Variants in NEBL observed in about 807,000 individuals in gnomAD.
The protein encoded by NEBL is LIM and SH3 protein 2.
Under a neutral mutation model 140.2 loss-of-function variants are expected in NEBL, and 122 were observed. The ratio of observed to expected loss-of-function variants is 0.87; its 90% CI spans 0.75 to 1.01. The LOEUF is 1.01. NEBL is among the 50% of genes least tolerant of loss of function. The pLI is 0.00. For missense variants in NEBL, 1,365 were observed against 1,231.3 expected, an observed-to-expected ratio of 1.11 and a Z score of -1.62; for synonymous variants, 436 against 398.9, an observed-to-expected ratio of 1.09 and a Z score of -1.11.
At chr10:20,796,857 T>G (rs1168114656) in intron 26 of NEBL, among the ~76,000 whole-genome samples, 1 of 152,208 alleles carries the variant, frequency 6.6e-6, no homozygotes, top group African/African-American at 2.4e-5. Context: ...GAGTCTTTAA[T>G]AATTATTCTC....
At chr10:20,797,517 T>C (rs1473442006) in intron 26 of NEBL, among the ~76,000 whole-genome samples, 1 of 152,122 alleles carries the variant, frequency 6.6e-6, no homozygotes, top group Admixed American at 6.6e-5. Flanking sequence ...TTCCAACAAA[T>C]AGACATATAT....
chr10:20,982,523 T>A (rs1288768493), intron 3 of NEBL, among the ~76,000 whole-genome samples: 1 of 152,180 alleles, frequency 6.6e-6, no homozygotes, highest in Non-Finnish European at 1.5e-5. Context: ...TTCCACAAAA[T>A]GACTGAAAAC....
chr10:20,971,447 C>CT lies in NEBL; in HGVS notation c.250-9669dup, dbSNP rs540090232. ...CACACACAGAATAGAATTTTTTTTT[C>CT]TTTTTTTTTTTATTATACTTTAAGT... On this transcript the variant is annotated intron_variant, in intron 3 of 6. Transcript: ENST00000417816. Among the ~76,000 whole-genome samples the CT allele has an allele frequency of 3.7e-3, 527 of 141,924 alleles. 4 individuals are homozygous for CT. Among genetic ancestry groups the CT allele is most frequent in the African/African-American group, 7.9e-3 (308 of 38,828 alleles). The allele number at this position is 141,924 out of a possible 152,430, so 93.1% of individuals were successfully genotyped here.
chr10:21,211,054 G>T (rs1393145455), intron 3 of NEBL, among the ~76,000 whole-genome samples: 3 of 152,090 alleles, frequency 2.0e-5, no homozygotes, highest in African/African-American at 7.2e-5. Flanking sequence ...CTTTGACATG[G>T]GCAACATGTC....
intron 3 of NEBL, among the ~76,000 whole-genome samples, chr10:21,000,586 C>T (rs552697551): frequency 1.3e-5 from 2 of 152,158 alleles, no homozygotes; most frequent in East Asian, 3.9e-4. Flanking sequence ...AGGAGCAAAA[C>T]ATTTGTAGAA....
At chr10:21,105,106 G>A (rs754038829) in intron 2 of NEBL, among the ~76,000 whole-genome samples, 31 of 152,084 alleles carry the variant, frequency 2.0e-4, no homozygotes, top group Non-Finnish European at 3.7e-4. Context: ...TTTACATATT[G>A]TTGAATTTTA....
chr10:20,977,133 C>T (rs1370531898), intron 3 of NEBL, among the ~76,000 whole-genome samples: 7 of 152,204 alleles, frequency 4.6e-5, no homozygotes, highest in Non-Finnish European at 1.0e-4. Context: ...GTCAAATCTC[C>T]CTAAATGCCA....
intron 11 of NEBL, 121 bp downstream of exon 11, chr10:20,850,274 G>A (rs556894838): frequency 1.0e-5 from 8 of 795,802 alleles, no homozygotes; most frequent in South Asian, 8.7e-5. Context: ...CTAGAAAGCA[G>A]GTCCTTGAAT....
At chr10:21,229,159 A>T (rs12244732) in intron 3 of NEBL, among the ~76,000 whole-genome samples, 1,851 of 152,272 alleles carry the variant, frequency 0.012, 34 homozygotes, top group African/African-American at 0.04. Context: ...AATGGCTAAC[A>T]CCTGTAATCC....
At chr10:21,091,265 T>G (rs1836899413) in intron 2 of NEBL, among the ~76,000 whole-genome samples, 1 of 152,202 alleles carries the variant, frequency 6.6e-6, no homozygotes, top group Non-Finnish European at 1.5e-5. Context: ...AGGTTGCCCC[T>G]TATGAAACAT....
chr10:21,266,113 AT>A (rs199666545), intron 1 of NEBL, among the ~76,000 whole-genome samples: 108 of 149,528 alleles, frequency 7.2e-4, no homozygotes, highest in Non-Finnish European at 8.0e-4. Context: ...AGGTATGCTG[AT>A]TTTTTTTTTC....
chr10:20,883,371 T>C (rs966692078), intron 4 of NEBL, among the ~76,000 whole-genome samples: 1 of 152,222 alleles, frequency 6.6e-6, no homozygotes, highest in African/African-American at 2.4e-5. Context: ...TGTTAGAGTC[T>C]GTCCACCAAC....
Position 20,852,649 on chromosome 10 carries a change from G to A in NEBL, c.904C>T (p.Arg302Ter), listed in dbSNP as rs149737043. ...TCCTCAAAGAGCTTTTTATATTCTC[G>A]CTAAAATACAGAATGGGGAAATCAA... is the stretch of plus-strand genomic sequence containing the variant. ...VLKASKMLSG[R>*]EYKKLFEENK... The change falls in exon 10 of 28, where the codon CGA (arginine) becomes TGA (stop). Residue 302 changes from arginine to a stop codon, truncating the protein, a stop_gained and splice_region_variant. Transcript: ENST00000377122. LOFTEE classifies it high-confidence loss of function. 2.0e-5 allele frequency: 32 copies of A among 1,599,632 alleles called. No homozygotes were observed. The Admixed American group carries it at 2.0e-4, about 10-fold the overall frequency.
At position 20,828,769 on chromosome 10, in the gene NEBL, G is replaced by A. The variant is rs968320141; in HGVS notation, c.1672-135C>T. On this transcript the variant is annotated intron_variant, in intron 16 of 27. Coordinates refer to ENST00000377122, the MANE Select transcript of NEBL (RefSeq NM_006393.3). ...GTTTTTACTGACTTACACTCCCAGA[G>A]AGAGAGAGAGAGAGGTGGAGAGACA... The A allele has an allele frequency of 1.6e-5, 9 of 573,390 alleles. No homozygotes were observed. The African/African-American group carries it at 1.7e-4, about 11-fold the overall frequency. 35.5% of individuals were successfully genotyped at this position (573,390 alleles called of 1,614,324 possible). A position where few individuals can be genotyped will look rare whatever the true frequency, so the allele number is the denominator to read the frequency against.
chr10:20,864,932 G>A (rs1433923894), intron 7 of NEBL, among the ~76,000 whole-genome samples: 8 of 151,924 alleles, frequency 5.3e-5, no homozygotes, highest in Admixed American at 3.3e-4. Context: ...AAATGAATAC[G>A]ATAGCTATAA....
At chr10:21,263,958 T>C (rs943126700) in intron 1 of NEBL, among the ~76,000 whole-genome samples, 2 of 152,094 alleles carry the variant, frequency 1.3e-5, no homozygotes, top group African/African-American at 4.8e-5. Flanking sequence ...ACAGTGAAAC[T>C]CCGTCTCAAA....
chr10:20,872,771 T>A (rs1284497362), intron 5 of NEBL, among the ~76,000 whole-genome samples: 30 of 152,172 alleles, frequency 2.0e-4, no homozygotes, highest in Admixed American at 2.0e-3. Flanking sequence ...TCATCCTCAG[T>A]GCTACACTCC....
At chr10:21,148,879 A>G (rs1840023418) in intron 2 of NEBL, among the ~76,000 whole-genome samples, 1 of 152,036 alleles carries the variant, frequency 6.6e-6, no homozygotes, top group Admixed American at 6.6e-5. Flanking sequence ...CATAGAAACT[A>G]AAAATATGCT....
chr10:21,216,904 C>A (rs1396521250), intron 3 of NEBL, among the ~76,000 whole-genome samples: 1 of 152,110 alleles, frequency 6.6e-6, no homozygotes, highest in East Asian at 1.9e-4. Flanking sequence ...AGGAGAATCG[C>A]TTGAACCCAG....
Sources: gnomAD v4.1 joint callset for allele counts (sites outside exome capture counted in the v4.1 genomes callset) on GRCh38, gnomAD v4.1.1 for gene constraint, MANE v1.5 for transcripts, NCBI Gene and HGNC (gene_info 2026-07-23, HGNC 2026-07-21) for gene names.